The following SLC24A2 variants were observed in gnomAD, a reference collection of about 807,000 sequenced individuals.
The protein encoded by SLC24A2 is sodium/potassium/calcium exchanger 2.
Under a neutral mutation model 62.0 loss-of-function variants are expected in SLC24A2, and 36 were observed. The observed-to-expected ratio is 0.58, with a 90% CI of 0.44 to 0.77. The LOEUF (loss-of-function observed/expected upper bound fraction) is 0.77, where lower values mean the gene tolerates loss of function less well. Among genes scored for constraint, SLC24A2 ranks in the 30% least tolerant of loss-of-function variants. SLC24A2 has a pLI of 0.00. For synonymous variants in SLC24A2, 358 were observed against 294.0 expected, an observed-to-expected ratio of 1.22 and a Z score of -2.23; for missense variants, 846 against 817.9, an observed-to-expected ratio of 1.03 and a Z score of -0.42.
At chr9:19,951,009 T>G in the SLC24A2 span, among the ~76,000 whole-genome samples, 1 of 152,160 alleles carries the variant, frequency 6.6e-6, no homozygotes, top group Admixed American at 6.5e-5. Context: ...ACTGTAGAGC[T>G]GGGATGTTCT....
the SLC24A2 span, among the ~76,000 whole-genome samples, chr9:20,046,852 G>C: frequency 6.6e-6 from 1 of 152,104 alleles, no homozygotes; most frequent in East Asian, 1.9e-4. Context: ...TCTTAAAACA[G>C]TTTTCTTCCT....
At chr9:20,010,194 C>T in the SLC24A2 span, among the ~76,000 whole-genome samples, 2 of 152,172 alleles carry the variant, frequency 1.3e-5, no homozygotes, top group African/African-American at 4.8e-5. Context: ...TCTGCATGCT[C>T]AGCGTTGCCA....
the SLC24A2 span, among the ~76,000 whole-genome samples, chr9:20,206,093 T>C: frequency 6.6e-6 from 1 of 152,302 alleles, no homozygotes; most frequent in Admixed American, 6.5e-5. Context: ...ACCAATAAAT[T>C]TTTATGTGAC....
intron 2 of SLC24A2, among the ~76,000 whole-genome samples, chr9:19,743,105 G>C (rs1821727839): frequency 6.6e-6 from 1 of 151,776 alleles, no homozygotes; most frequent in South Asian, 2.1e-4. Flanking sequence ...GAGGAATTGT[G>C]TGCTTAACAA....
chr9:20,169,957 T>A, the SLC24A2 span, among the ~76,000 whole-genome samples: 1 of 151,940 alleles, frequency 6.6e-6, no homozygotes, highest in African/African-American at 2.4e-5. Flanking sequence ...AAGGGATAAA[T>A]ATTCAATGAA....
chr9:20,201,790 C>G, the SLC24A2 span, among the ~76,000 whole-genome samples: 1 of 152,048 alleles, frequency 6.6e-6, no homozygotes, highest in Admixed American at 6.6e-5. Flanking sequence ...TTCATTATTT[C>G]GAAATTTCAT....
At chr9:19,777,557 T>A (rs967196288) in intron 2 of SLC24A2, among the ~76,000 whole-genome samples, 1 of 152,162 alleles carries the variant, frequency 6.6e-6, no homozygotes, top group Non-Finnish European at 1.5e-5. Context: ...GTAAATAGCA[T>A]TTTAGAAAAA....
At chr9:19,754,146 A>C (rs564868027) in intron 2 of SLC24A2, among the ~76,000 whole-genome samples, 39 of 152,326 alleles carry the variant, frequency 2.6e-4, no homozygotes, top group African/African-American at 9.1e-4. Flanking sequence ...CACTGAATGA[A>C]TTCCTCAGAG....
chr9:19,520,933 G>C lies in SLC24A2; in HGVS notation c.1697C>G (p.Ser566Cys). The C allele has an allele frequency of 6.2e-7, 1 of 1,613,956 alleles. No individual in the cohort carries two copies. The highest frequency in any genetic ancestry group is 8.5e-7 in the Non-Finnish European group (1 of 1,179,982). ...AAAAATGTTGCTTCCAACAGAGCTGGACACAGCCATGTCCCCTAACCCCTT... is the reference window on the plus strand; with the variant it reads ...AAAAATGTTGCTTCCAACAGAGCTGCACACAGCCATGTCCCCTAACCCCTT... ...ARKGLGDMAV[S>C]SSVGSNIFDI... is the part of the protein sequence containing the mutation. Residue 566 changes from serine to cysteine, a missense_variant, in exon 10 of 11, where the codon TCC (serine) becomes TGC (cysteine). Transcript: ENST00000341998.
chr9:20,235,138 T>C, the SLC24A2 span, among the ~76,000 whole-genome samples: 1 of 152,188 alleles, frequency 6.6e-6, no homozygotes, highest in African/African-American at 2.4e-5. Flanking sequence ...CCGCCCCTAC[T>C]GGGGGGTGCC....
intron 7 of SLC24A2, among the ~76,000 whole-genome samples, chr9:19,554,179 A>G (rs1359752404): frequency 6.6e-6 from 1 of 152,222 alleles, no homozygotes; most frequent in East Asian, 1.9e-4. Flanking sequence ...AGATGGGGAC[A>G]CAGCAAGAAG....
At chr9:20,203,667 G>C in the SLC24A2 span, among the ~76,000 whole-genome samples, 1 of 151,386 alleles carries the variant, frequency 6.6e-6, no homozygotes, top group African/African-American at 2.4e-5. Context: ...AACATAGTGA[G>C]AGCCTGTCTC....
the SLC24A2 span, among the ~76,000 whole-genome samples, chr9:20,024,736 G>A: frequency 6.6e-6 from 1 of 152,116 alleles, no homozygotes; most frequent in Non-Finnish European, 1.5e-5. Context: ...ACTGATTTTA[G>A]TTACTACAAA....
At chr9:19,807,908 G>A in the SLC24A2 span, among the ~76,000 whole-genome samples, 1 of 152,182 alleles carries the variant, frequency 6.6e-6, no homozygotes, top group South Asian at 2.1e-4. Flanking sequence ...AAAGCACAAT[G>A]ATCCACCTGA....
chr9:20,065,674 G>C, the SLC24A2 span, among the ~76,000 whole-genome samples: 1 of 152,174 alleles, frequency 6.6e-6, no homozygotes, highest in Non-Finnish European at 1.5e-5. Context: ...ATACAGGTAA[G>C]AATCTAAGGC....
At chr9:19,735,040 C>T (rs1284487697) in intron 2 of SLC24A2, among the ~76,000 whole-genome samples, 1 of 151,926 alleles carries the variant, frequency 6.6e-6, no homozygotes, top group Non-Finnish European at 1.5e-5. Flanking sequence ...AGCTTCTGCA[C>T]AGCAAAAGAA....
At chr9:19,517,648 T>C (rs547013436) in intron 10 of SLC24A2, among the ~76,000 whole-genome samples, 1 of 152,112 alleles carries the variant, frequency 6.6e-6, no homozygotes, top group South Asian at 2.1e-4. Flanking sequence ...CTTTGCCCAG[T>C]AGAGTCTGGC....
chr9:19,999,824 ACACC>A, the SLC24A2 span, among the ~76,000 whole-genome samples: 6 of 152,178 alleles, frequency 3.9e-5, no homozygotes, highest in Non-Finnish European at 8.8e-5. Context: ...AAAGCAGTCA[ACACC>A]CATGGCTGAG....
At chr9:20,289,365 G>C in the SLC24A2 span, among the ~76,000 whole-genome samples, 1 of 152,092 alleles carries the variant, frequency 6.6e-6, no homozygotes, top group Non-Finnish European at 1.5e-5. Context: ...TTGAGACACA[G>C]AAAGACAAAG....
Sources: gnomAD v4.1 joint callset for allele counts (sites outside exome capture counted in the v4.1 genomes callset) on GRCh38, gnomAD v4.1.1 for gene constraint, MANE v1.5 for transcripts, NCBI Gene and HGNC (gene_info 2026-07-23, HGNC 2026-07-21) for gene names.